Variants in CBFA2T3 observed in about 807,000 individuals in gnomAD.
The protein encoded by CBFA2T3 is CBFA2/RUNX1 partner transcriptional co-repressor 3, also known as transcriptional corepressor CBFA2T3.
In CBFA2T3, 31 loss-of-function variants were observed where a neutral mutation model predicts 58.6. That is an observed-to-expected ratio of 0.53 (90% CI 0.40 to 0.71). The LOEUF (loss-of-function observed/expected upper bound fraction) is 0.71. CBFA2T3 is among the 30% of genes least tolerant of loss of function. The probability of loss-of-function intolerance (pLI) is 0.00; values close to 1 mark genes in which losing one functional copy is unlikely to be tolerated. For missense variants in CBFA2T3, 1,076 were observed against 963.1 expected, an observed-to-expected ratio of 1.12 and a Z score of -1.55; for synonymous variants, 531 against 421.9, an observed-to-expected ratio of 1.26 and a Z score of -3.17.
In CBFA2T3 at chr16:88,930,201, A is replaced by G. The variant is rs552979149; in HGVS notation, c.152-28545T>C. Among the ~76,000 whole-genome samples, 145 of 125,916 alleles carry G rather than the reference A, an allele frequency of 1.2e-3. 5 individuals carry two copies. The highest frequency in any genetic ancestry group is 3.8e-3 in the South Asian group (14 of 3,672). The allele number at this position is 125,916 out of a possible 152,430, so 82.6% of individuals were successfully genotyped here. A position where few individuals can be genotyped will look rare whatever the true frequency, so the allele number is the denominator to read the frequency against. On this transcript the variant is annotated intron_variant, in intron 1 of 11. Transcript: ENST00000268679. ...AGCTACCAATACCCACAGCTGCATC[A>G]TCCACGCAAAAGTCACCAATACCCA...
intron 1 of CBFA2T3, among the ~76,000 whole-genome samples, chr16:88,971,545 T>C (rs1265993782): frequency 6.6e-6 from 1 of 151,840 alleles, no homozygotes; most frequent in Non-Finnish European, 1.5e-5. Flanking sequence ...CCTGGGCAAC[T>C]GCCCGACAGG....
intron 1 of CBFA2T3, chr16:88,941,714 G>A (rs1369945215): frequency 6.7e-6 from 1 of 149,008 alleles, no homozygotes; most frequent in Non-Finnish European, 1.5e-5. Flanking sequence ...CGCGGCTCTG[G>A]GGGGCGGCCC....
intron 1 of CBFA2T3, among the ~76,000 whole-genome samples, chr16:88,934,768 C>T (rs892405198): frequency 3.3e-5 from 5 of 152,132 alleles, no homozygotes; most frequent in African/African-American, 1.2e-4. Flanking sequence ...GAGACGGAGT[C>T]TCGCTCTGTC....
intron 1 of CBFA2T3, among the ~76,000 whole-genome samples, chr16:88,971,824 C>T (rs1437447077): frequency 6.6e-6 from 1 of 152,226 alleles, no homozygotes; most frequent in East Asian, 1.9e-4. Context: ...TCGGCCTCTC[C>T]CTGAGGCCGC....
chr16:88,940,807 G>C (rs1191767459), intron 1 of CBFA2T3, among the ~76,000 whole-genome samples: 1 of 152,140 alleles, frequency 6.6e-6, no homozygotes, highest in Non-Finnish European at 1.5e-5. Context: ...TCGAAGTTTC[G>C]CCGCAGCCCC....
intron 1 of CBFA2T3, among the ~76,000 whole-genome samples, chr16:88,964,123 C>T (rs1316430791): frequency 6.6e-6 from 1 of 152,202 alleles, no homozygotes; most frequent in African/African-American, 2.4e-5. Context: ...TTAAAGGAAT[C>T]CATATGTGGG....
At chr16:88,915,808 C>T (rs986877994) in intron 1 of CBFA2T3, among the ~76,000 whole-genome samples, 3 of 151,290 alleles carry the variant, frequency 2.0e-5, no homozygotes, top group Non-Finnish European at 4.4e-5. Context: ...ACAGGGTGGG[C>T]GGGCGCCCTG....
At chr16:88,895,347 G>A (rs1006911039) in intron 3 of CBFA2T3, among the ~76,000 whole-genome samples, 16 of 152,136 alleles carry the variant, frequency 1.1e-4, no homozygotes, top group African/African-American at 3.6e-4. Context: ...TTCCCGACCC[G>A]TGGTCTAGTG....
At chr16:88,942,088 AT>A (rs1276671945) in intron 1 of CBFA2T3, among the ~76,000 whole-genome samples, 6 of 152,048 alleles carry the variant, frequency 3.9e-5, no homozygotes, top group African/African-American at 1.2e-4. Flanking sequence ...TACACTTTGC[AT>A]TCATTTGCAT....
At chr16:88,945,857 C>A (rs1019135570) in intron 1 of CBFA2T3, among the ~76,000 whole-genome samples, 2 of 152,198 alleles carry the variant, frequency 1.3e-5, no homozygotes, top group Non-Finnish European at 2.9e-5. Flanking sequence ...CACACAAAAC[C>A]CTGCACATTA....
At chr16:88,954,510 CTCAGCCAAGGCTCCTGACT>C (rs1427302791) in intron 1 of CBFA2T3, among the ~76,000 whole-genome samples, 7 of 131,834 alleles carry the variant, frequency 5.3e-5, no homozygotes, top group African/African-American at 1.7e-4. Context: ...GGCTCCTGAC[CTCAGCCAAGGCTCCTGACT>C]CCACCCAAGG....
intron 1 of CBFA2T3, among the ~76,000 whole-genome samples, chr16:88,936,230 A>G (rs1392091866): frequency 1.3e-5 from 2 of 152,104 alleles, no homozygotes; most frequent in Non-Finnish European, 2.9e-5. Flanking sequence ...TGCCCCGGGC[A>G]TTTCCTGGGC....
intron 1 of CBFA2T3, among the ~76,000 whole-genome samples, chr16:88,924,964 G>T (rs1597734377): frequency 6.6e-6 from 1 of 152,368 alleles, no homozygotes; most frequent in South Asian, 2.1e-4. Context: ...AAAACTGAGG[G>T]ACGGCCCTGA....
chr16:88,940,632 C>T (rs965155811), intron 1 of CBFA2T3, among the ~76,000 whole-genome samples: 19 of 152,078 alleles, frequency 1.2e-4, no homozygotes, highest in Non-Finnish European at 2.5e-4. Flanking sequence ...GAGCTCTGGA[C>T]CCCCCTCCCC....
chr16:88,886,193 T>C (rs1969365395), intron 5 of CBFA2T3, 51 bp from the exon 6 acceptor site: 1 of 1,375,460 alleles, frequency 7.3e-7, no homozygotes, highest in Non-Finnish European at 9.6e-7. Flanking sequence ...TGCACAGCCC[T>C]GCTCAGGTCC....
chr16:88,963,227 T>C (rs1450699726), intron 1 of CBFA2T3, among the ~76,000 whole-genome samples: 1 of 135,556 alleles, frequency 7.4e-6, no homozygotes, highest in Admixed American at 7.5e-5. Flanking sequence ...CCAGGGACAG[T>C]GGGGGAAGGC....
chr16:88,941,178 G>A (rs1809501447), intron 1 of CBFA2T3: 1 of 982,774 alleles, frequency 1.0e-6, no homozygotes, highest in Non-Finnish European at 1.2e-6. Context: ...GCGCGGCGGG[G>A]CTGGGGCGCG....
chr16:88,877,028 G>C lies in CBFA2T3; in HGVS notation c.1910C>G (p.Ser637Cys), dbSNP rs1037548716. Residue 637 changes from serine to cysteine, a missense_variant, in exon 12 of 12, where the codon TCT (serine) becomes TGT (cysteine). Coordinates refer to ENST00000268679, the MANE Select transcript of CBFA2T3 (RefSeq NM_005187.6). ...SPSEAGSAGP[S>C]RPGSPSPPGP... ...AGGTGGGCTGGGGGAGCCGGGGCGA[G>C]AAGGCCCCGCAGAGCCGGCTTCGCT... The C allele has an allele frequency of 4.2e-5, 62 of 1,492,724 alleles. No homozygotes were observed. Among genetic ancestry groups the C allele is most frequent in the Non-Finnish European group, 5.0e-5 (56 of 1,124,532 alleles). The allele number at this position is 1,492,724 out of a possible 1,614,324, so 92.5% of individuals were successfully genotyped here.
intron 1 of CBFA2T3, among the ~76,000 whole-genome samples, chr16:88,949,015 T>C (rs1323496393): frequency 6.6e-6 from 1 of 152,174 alleles, no homozygotes; most frequent in African/African-American, 2.4e-5. Flanking sequence ...AACTGCCCCA[T>C]GTGGGGAAAA....
Sources: gnomAD v4.1 joint callset for allele counts (sites outside exome capture counted in the v4.1 genomes callset) on GRCh38, gnomAD v4.1.1 for gene constraint, MANE v1.5 for transcripts, NCBI Gene and HGNC (gene_info 2026-07-23, HGNC 2026-07-21) for gene names.